The following DENND2A variants were observed in gnomAD, a reference collection of about 807,000 sequenced individuals.
DENND2A encodes the protein DENN domain-containing protein 2A.
Under a neutral mutation model 105.3 loss-of-function variants are expected in DENND2A, and 53 were observed. The ratio of observed to expected loss-of-function variants is 0.50; its 90% CI spans 0.40 to 0.63. DENND2A has a LOEUF of 0.63. DENND2A is among the 30% of genes least tolerant of loss of function. The pLI, the probability that DENND2A is intolerant of heterozygous loss-of-function variation, is 0.00. For missense variants in DENND2A, 1,138 were observed against 1,279.6 expected (o/e 0.89, Z 1.69); for synonymous variants, 522 against 508.4 (o/e 1.03, Z -0.36).
intron 3 of DENND2A, among the ~76,000 whole-genome samples, chr7:140,591,177 G>A (rs561467000): frequency 2.0e-4 from 31 of 151,784 alleles, no homozygotes; most frequent in African/African-American, 6.5e-4. Context: ...CACACCTATA[G>A]CCCCAGTTAC....
Position 140,567,258 on chromosome 7 carries a change from A to C in DENND2A, c.1607T>G (p.Leu536Arg). 6.3e-7 allele frequency: 1 copy of C among 1,596,120 alleles called. No individual in the cohort carries two copies. The highest frequency in any genetic ancestry group is 8.5e-7 in the Non-Finnish European group (1 of 1,170,006). The change falls in exon 9 of 20, where the codon CTG (leucine) becomes CGG (arginine). Residue 536 changes from leucine (L) to arginine (R), a missense_variant. Leu to Arg is a moderately radical substitution (Grantham distance 102). Transcript: ENST00000496613. ...CTTCAGCCGGGACTTCACGTTGACC[A>C]GGCGCTGGCTGTGAGCTGGGTGAGG... The part of the protein sequence containing the change: ...EEKLKAHSQR[L>R]VNVKSRLKQA...
chr7:140,579,730 G>A (rs994709060), intron 5 of DENND2A, among the ~76,000 whole-genome samples: 33 of 152,162 alleles, frequency 2.2e-4, no homozygotes, highest in African/African-American at 7.2e-5. Context: ...AGATGTGTGT[G>A]AGAAAATCCG....
At chr7:140,616,359 C>A (rs1174868033) in intron 1 of DENND2A, among the ~76,000 whole-genome samples, 1 of 152,016 alleles carries the variant, frequency 6.6e-6, no homozygotes, top group African/African-American at 2.4e-5. Flanking sequence ...GAGACTCCAT[C>A]ACATACACAC....
intron 1 of DENND2A, among the ~76,000 whole-genome samples, chr7:140,614,973 C>G (rs936159328): frequency 6.6e-6 from 1 of 152,148 alleles, no homozygotes; most frequent in African/African-American, 2.4e-5. Flanking sequence ...ATCTTCCTAC[C>G]TCAGCTCCCT....
intron 1 of DENND2A, among the ~76,000 whole-genome samples, chr7:140,626,430 G>GTTCC (rs2130730458): frequency 6.6e-6 from 1 of 152,294 alleles, no homozygotes; most frequent in South Asian, 2.1e-4. Flanking sequence ...GGACCACCCG[G>GTTCC]TGTGATCTGT....
chr7:140,523,380 G>C lies in DENND2A; in HGVS notation c.2592C>G (p.Ala864=), dbSNP rs1349520407. ...TCCTCTGTTCCAGAATGTGTTCCAGGGCCACCTGAAGCTTCCGGGGCAGGA... is the reference window on the plus strand; with the variant it reads ...TCCTCTGTTCCAGAATGTGTTCCAGCGCCACCTGAAGCTTCCGGGGCAGGA... ...DSILPRKLQV[A]LEHILEQRNE... is the part of the protein sequence containing the mutation. Residue 864 remains alanine (A), a synonymous_variant, in exon 17 of 20, where the codon GCC becomes GCG. Coordinates refer to ENST00000496613, the MANE Select transcript of DENND2A (RefSeq NM_015689.5). The surrounding 1 kb of genome is among the most constrained non-coding windows in gnomAD (Gnocchi z 4.5). The C allele has an allele frequency of 6.2e-7, 1 of 1,614,088 alleles. No individual in the cohort carries two copies. Among genetic ancestry groups the C allele is most frequent in the Admixed American group, 1.7e-5 (1 of 60,004 alleles).
Position 140,518,669 on chromosome 7 carries a change from G to T in DENND2A, c.*38C>A. The T allele has an allele frequency of 6.2e-7, 1 of 1,604,912 alleles. No homozygotes were observed. Among genetic ancestry groups the T allele is most frequent in the Non-Finnish European group, 8.5e-7 (1 of 1,171,724 alleles). Reference sequence around the variant, plus strand: ...ACCAGGAACTGTTTTTAAAGCATAGGGCTGCACTAGGAGGAAGTTTTCCCT... The same window carrying T: ...ACCAGGAACTGTTTTTAAAGCATAGTGCTGCACTAGGAGGAAGTTTTCCCT... On this transcript the variant is annotated 3_prime_UTR_variant, in exon 20 of 20. Transcript: ENST00000496613.
chr7:140,539,547 G>A (rs187380033), intron 14 of DENND2A, among the ~76,000 whole-genome samples: 58 of 152,330 alleles, frequency 3.8e-4, no homozygotes, highest in African/African-American at 1.3e-3. Flanking sequence ...CAACCCTGGA[G>A]TCTGCAGCCC....
chr7:140,522,149 G>T, intron 17 of DENND2A, 49 bp from the exon 18 acceptor site: 1 of 1,603,206 alleles, frequency 6.2e-7, no homozygotes, highest in African/African-American at 1.3e-5. Flanking sequence ...GACAGGCTGG[G>T]CCAGAGCCCT....
chr7:140,640,567 G>A lies in DENND2A; in HGVS notation c.-311C>T, dbSNP rs1801164656. 1 of 150,276 alleles carries A rather than the reference G, an allele frequency of 6.7e-6. No homozygotes were observed. The highest frequency in any genetic ancestry group is 1.5e-5 in the Non-Finnish European group (1 of 67,230). The allele number at this position is 150,276 out of a possible 1,614,324, so 9.3% of individuals were successfully genotyped here. A position where few individuals can be genotyped will look rare whatever the true frequency, so the allele number is the denominator to read the frequency against. ...TCTTGGGGGCTCCGGGGCGGGCCGG[G>A]ACGGCTGGCGGCGCGGCTCGGGGGC... On this transcript the variant is annotated 5_prime_UTR_variant, in exon 1 of 20. Transcript: ENST00000496613. This position sits in a 1 kb window ranked among gnomAD's most constrained non-coding sequence, Gnocchi z 4.9.
intron 18 of DENND2A, among the ~76,000 whole-genome samples, chr7:140,520,564 G>GTT (rs563122298): frequency 6.9e-6 from 1 of 144,302 alleles, no homozygotes; most frequent in Non-Finnish European, 1.5e-5. Flanking sequence ...TCTTTCCAGG[G>GTT]TTTTTTTTTT....
At chr7:140,551,004 G>A (rs1253859066) in intron 12 of DENND2A, among the ~76,000 whole-genome samples, 3 of 151,296 alleles carry the variant, frequency 2.0e-5, no homozygotes, top group Admixed American at 2.0e-4. Flanking sequence ...GGACAGTAAT[G>A]AAAAAAAAGC....
In DENND2A at chr7:140,519,707, C is replaced by T; in HGVS notation, c.2923G>A (p.Val975Ile). 1 of 1,614,088 alleles carries T rather than the reference C, an allele frequency of 6.2e-7. No individual in the cohort carries two copies. Among genetic ancestry groups the T allele is most frequent in the South Asian group, 1.1e-5 (1 of 91,078 alleles). Residue 975 changes from valine to isoleucine, a missense_variant, in exon 19 of 20, where the codon GTC becomes ATC. This residue lies in a region of DENND2A where 627 missense variants were observed against 779.8 expected (regional missense o/e 0.80). Transcript: ENST00000496613. The stretch of plus-strand genomic sequence containing the variant: ...GTTTCCAGATACTCTTGGGCTCGGA[C>T]CTCAAACAGACCTGTTAACAAGAGA... ...RRQDAKGLFE[V>I]RAQEYLETLP...
At chr7:140,560,488 A>G (rs150408235) in intron 9 of DENND2A, among the ~76,000 whole-genome samples, 300 of 152,312 alleles carry the variant, frequency 2.0e-3, no homozygotes, top group African/African-American at 6.9e-3. Flanking sequence ...CACATCATAC[A>G]GTATCTGACA....
rs1488461867 is a variant in DENND2A at position 140,640,049 on chromosome 7, G to A, written c.-248+455C>T. ...AGACTGCAAATGCTGACCGCTGTGA[G>A]GGGGGCCCGGCTGCTCAGCCGCCTC... On this transcript the variant is annotated intron_variant, in intron 1 of 19. Coordinates refer to ENST00000496613, the MANE Select transcript of DENND2A (RefSeq NM_015689.5). This position sits in a 1 kb window ranked among gnomAD's most constrained non-coding sequence, Gnocchi z 4.9. Among the ~76,000 whole-genome samples the A allele has an allele frequency of 6.6e-6, 1 of 152,188 alleles. No homozygotes were observed. Among genetic ancestry groups the A allele is most frequent in the African/African-American group, 2.4e-5 (1 of 41,452 alleles).
At chr7:140,550,065 A>G (rs1447839450) in intron 12 of DENND2A, among the ~76,000 whole-genome samples, 1 of 135,358 alleles carries the variant, frequency 7.4e-6, no homozygotes, top group Non-Finnish European at 1.6e-5. Context: ...TAACATTCCT[A>G]GAATCCTGGA....
intron 1 of DENND2A, among the ~76,000 whole-genome samples, chr7:140,608,484 C>T (rs1799772935): frequency 6.6e-6 from 1 of 152,038 alleles, no homozygotes; most frequent in Non-Finnish European, 1.5e-5. Flanking sequence ...TGAAACCAGC[C>T]TGGGCAACAT....
At chr7:140,620,068 C>T (rs1190960482) in intron 1 of DENND2A, among the ~76,000 whole-genome samples, 4 of 151,488 alleles carry the variant, frequency 2.6e-5, no homozygotes, top group African/African-American at 4.9e-5. Context: ...TGGTGGCGGG[C>T]GCCTGTAGTC....
At chr7:140,584,932 C>T (rs1798716377) in intron 5 of DENND2A, among the ~76,000 whole-genome samples, 1 of 152,218 alleles carries the variant, frequency 6.6e-6, no homozygotes. Context: ...GGTGCGGTGG[C>T]TCATGCCTGT....
Sources: gnomAD v4.1 joint callset for allele counts (sites outside exome capture counted in the v4.1 genomes callset) on GRCh38, gnomAD v4.1.1 for gene constraint, gnomAD v4.1.1 regional missense constraint, Gnocchi (gnomAD v3.1) non-coding constraint, MANE v1.5 for transcripts, NCBI Gene and HGNC (gene_info 2026-07-23, HGNC 2026-07-21) for gene names.